The following ASCC2 variants were observed in gnomAD, a reference collection of about 807,000 sequenced individuals.
ASCC2 encodes activating signal cointegrator 1 complex subunit 2, also known as ASC-1 complex subunit P100.
A neutral mutation model predicts 93.5 loss-of-function variants in ASCC2; 42 were observed. That is an observed-to-expected ratio of 0.45 (90% CI 0.35 to 0.58). The LOEUF (loss-of-function observed/expected upper bound fraction) is 0.58. ASCC2 is among the 20% of genes least tolerant of loss of function. ASCC2 has a pLI of 0.00. For synonymous variants in ASCC2, 364 were observed against 384.2 expected (o/e 0.95, Z 0.62); for missense variants, 859 against 977.6 (o/e 0.88, Z 1.62).
At position 29,808,072 on chromosome 22, in the gene ASCC2, T is replaced by C. The variant is rs763041987; in HGVS notation, c.908+39A>G. 3.1e-6 allele frequency: 5 copies of C among 1,609,422 alleles called. No individual in the cohort carries two copies. In the South Asian group the frequency reaches 4.4e-5, roughly 14 times the overall value. On this transcript the variant is annotated intron_variant, in intron 9 of 19. Coordinates refer to ENST00000307790, the MANE Select transcript of ASCC2 (RefSeq NM_032204.5). ...AGGCAGGGCCCTGCTCGGGCCTCTC[T>C]GTCCCACAACAACATTCTTAATTTT...
At chr22:29,809,212 C>T (rs2060023977) in intron 8 of ASCC2, among the ~76,000 whole-genome samples, 1 of 150,872 alleles carries the variant, frequency 6.6e-6, no homozygotes, top group Non-Finnish European at 1.5e-5. Context: ...TGATTTTTTC[C>T]CAATCCCATT....
chr22:29,825,200 G>A lies in ASCC2; in HGVS notation c.298C>T (p.Arg100Cys), dbSNP rs144549714. 1.0e-5 allele frequency: 16 copies of A among 1,559,358 alleles called. No homozygotes were observed. Among genetic ancestry groups the A allele is most frequent in the African/African-American group, 2.8e-5 (2 of 72,472 alleles). ...CLDSYLRYVP[R>C]KFDEGVASAP... ...GAGGCCACCCCCTCGTCGAATTTGCGGGGGACATAGCGCAGGTAGGAGTCC... is the reference window on the plus strand; with the variant it reads ...GAGGCCACCCCCTCGTCGAATTTGCAGGGGACATAGCGCAGGTAGGAGTCC... Residue 100 changes from arginine to cysteine, a missense_variant, in exon 4 of 20, where the codon CGC becomes TGC. Physicochemically the swap from Arg to Cys is radical, Grantham distance 180. Coordinates refer to ENST00000307790, the MANE Select transcript of ASCC2 (RefSeq NM_032204.5). This position sits in a 1 kb window ranked among gnomAD's most constrained non-coding sequence, Gnocchi z 4.9.
chr22:29,800,886 G>GAT (rs2059000356), intron 15 of ASCC2, 105 bp downstream of exon 15: 1 of 1,402,564 alleles, frequency 7.1e-7, no homozygotes, highest in Middle Eastern at 2.5e-4. Flanking sequence ...TCCCTGTGCT[G>GAT]ATACTCCATG....
intron 15 of ASCC2, among the ~76,000 whole-genome samples, chr22:29,797,910 T>C (rs2058628453): frequency 2.0e-5 from 3 of 152,186 alleles, no homozygotes; most frequent in Admixed American, 2.0e-4. Context: ...AGATTACAGA[T>C]GCCTGCCACC....
At chr22:29,821,583 C>A (rs2061556268) in intron 5 of ASCC2, among the ~76,000 whole-genome samples, 1 of 152,232 alleles carries the variant, frequency 6.6e-6, no homozygotes. Context: ...TGGCAGAATG[C>A]CAGGTCCCCG....
intron 5 of ASCC2, among the ~76,000 whole-genome samples, chr22:29,821,003 G>C (rs1213366326): frequency 6.6e-6 from 1 of 152,000 alleles, no homozygotes; most frequent in African/African-American, 2.4e-5. Flanking sequence ...CGAAGACTGT[G>C]TCCTACAGTC....
rs1278159141 is a variant in ASCC2, at chr22:29,790,511, T to C, written c.2060A>G (p.Glu687Gly). 4 of 1,614,130 alleles carry C rather than the reference T, an allele frequency of 2.5e-6. No homozygotes were observed. The highest frequency in any genetic ancestry group is 3.4e-6 in the Non-Finnish European group (4 of 1,180,034). Residue 687 changes from glutamate (E) to glycine (G), a missense_variant, in exon 19 of 20, where the codon GAG becomes GGG. Physicochemically the swap from Glu to Gly is moderately conservative, Grantham distance 98. Transcript: ENST00000307790. ...HFVQDPAVLR[E>G]KAEARRMAFL... ...GGCCATGCGCCTGGCTTCTGCCTTC[T>C]CTCTCAGCACTGCAGGGTCCTGAAC...
intron 15 of ASCC2, among the ~76,000 whole-genome samples, chr22:29,794,529 A>G (rs1204403813): frequency 1.3e-5 from 2 of 152,134 alleles, no homozygotes; most frequent in Non-Finnish European, 2.9e-5. Context: ...AAATGTGCGT[A>G]CCTTTCAACC....
intron 15 of ASCC2, among the ~76,000 whole-genome samples, chr22:29,797,678 T>A (rs184711015): frequency 1.5e-3 from 223 of 152,350 alleles, no homozygotes; most frequent in African/African-American, 5.0e-3. Context: ...ATCCTGTTTC[T>A]TTTACTACAG....
In ASCC2 at chr22:29,819,548, TTAGAG is replaced by T. The variant is rs942148484; in HGVS notation, c.541+2782_541+2786del. Among the ~76,000 whole-genome samples, 17 of 152,262 alleles carry T rather than the reference TTAGAG, an allele frequency of 1.1e-4. No homozygotes were observed. In the East Asian group the frequency reaches 3.3e-3, roughly 29 times the overall value. ...TTCTGCAGATGAAAAAAACTGGGGC[TTAGAG>T]TAGTTAATTGACTTGGTTAAGGGGA... On this transcript the variant is annotated intron_variant, in intron 5 of 19. Transcript: ENST00000307790.
In ASCC2 at chr22:29,834,567, A is replaced by C. The variant is rs866517779; in HGVS notation, c.-17-2225T>G. 21 of 470,994 alleles carry C rather than the reference A, an allele frequency of 4.5e-5. No homozygotes were observed. In the Middle Eastern group the frequency reaches 6.2e-3, roughly 138 times the overall value. The allele number at this position is 470,994 out of a possible 1,614,324, so 29.2% of individuals were successfully genotyped here. ...CGAGGTGGCCTGAAAAAAAATCACA[A>C]GGCAAAGAAAGTAATAAAGGGCTTA... On this transcript the variant is annotated intron_variant, in intron 1 of 19. Coordinates refer to ENST00000307790, the MANE Select transcript of ASCC2 (RefSeq NM_032204.5).
intron 15 of ASCC2, among the ~76,000 whole-genome samples, chr22:29,797,131 C>T (rs1355342807): frequency 1.3e-5 from 2 of 152,150 alleles, no homozygotes; most frequent in East Asian, 1.9e-4. Context: ...AGGACCAAAG[C>T]CAGCTGGGAA....
Position 29,825,901 on chromosome 22 carries a change from A to G in ASCC2, c.82-121T>C. Reference sequence around the variant, plus strand: ...CCGGTGACCCTCCAAGGAGCTTTTAAGCATAAAGAACCAAGTGTATCTAAC... The same window carrying G: ...CCGGTGACCCTCCAAGGAGCTTTTAGGCATAAAGAACCAAGTGTATCTAAC... On this transcript the variant is annotated intron_variant, in intron 2 of 19. Coordinates refer to ENST00000307790, the MANE Select transcript of ASCC2 (RefSeq NM_032204.5). This position sits in a 1 kb window ranked among gnomAD's most constrained non-coding sequence, Gnocchi z 4.9. The G allele has an allele frequency of 8.4e-7, 1 of 1,186,966 alleles. No individual in the cohort carries two copies. The allele number at this position is 1,186,966 out of a possible 1,614,324, so 73.5% of individuals were successfully genotyped here.
At chr22:29,833,688 C>G (rs953440602) in intron 1 of ASCC2, 2 of 465,654 alleles carry the variant, frequency 4.3e-6, no homozygotes, top group African/African-American at 4.0e-5. Context: ...AAAAAACATG[C>G]CATAAAAGGC....
Position 29,825,433 on chromosome 22 carries a change from A to T in ASCC2, c.241-176T>A. On this transcript the variant is annotated intron_variant, in intron 3 of 19. Transcript: ENST00000307790. The surrounding 1 kb of genome is among the most constrained non-coding windows in gnomAD (Gnocchi z 4.9). ...CTAAACACAAGATTCTAAAATTGAC[A>T]CTTTGAAAGGTGTGTAAACATTAAG... 8.8e-7 allele frequency: 1 copy of T among 1,130,934 alleles called. No homozygotes were observed. Among genetic ancestry groups the T allele is most frequent in the South Asian group, 1.6e-5 (1 of 63,356 alleles). The allele number at this position is 1,130,934 out of a possible 1,614,324, so 70.1% of individuals were successfully genotyped here.
At chr22:29,804,127 C>A (rs1696139801) in intron 13 of ASCC2, among the ~76,000 whole-genome samples, 1 of 152,202 alleles carries the variant, frequency 6.6e-6, no homozygotes, top group South Asian at 2.1e-4. Flanking sequence ...AGGGGAGAGT[C>A]CTGGCCTTGG....
intron 8 of ASCC2, 78 bp from the exon 9 acceptor site, chr22:29,808,263 AG>A (rs997354440): frequency 7.0e-7 from 1 of 1,437,730 alleles, no homozygotes; most frequent in African/African-American, 1.4e-5. Flanking sequence ...AGCAAACCCC[AG>A]GGAGTGGGAA....
intron 18 of ASCC2, 97 bp from the exon 19 acceptor site, chr22:29,790,645 C>A: frequency 7.9e-7 from 1 of 1,258,284 alleles, no homozygotes; most frequent in South Asian, 1.2e-5. Context: ...GTCGATGCCT[C>A]CATGCCAGGT....
intron 18 of ASCC2, 95 bp downstream of exon 18, chr22:29,792,337 GC>G (rs757968963): frequency 4.8e-4 from 748 of 1,549,708 alleles, no homozygotes; most frequent in Non-Finnish European, 6.0e-4. Flanking sequence ...TGCTGGGGCT[GC>G]CTCAGGGCCA....
Sources: gnomAD v4.1 joint callset for allele counts (sites outside exome capture counted in the v4.1 genomes callset) on GRCh38, gnomAD v4.1.1 for gene constraint, Gnocchi (gnomAD v3.1) non-coding constraint, MANE v1.5 for transcripts, NCBI Gene and HGNC (gene_info 2026-07-23, HGNC 2026-07-21) for gene names.